The following GNAL variants were observed in gnomAD, a reference collection of about 807,000 sequenced individuals.
The protein encoded by GNAL is guanine nucleotide-binding protein G(olf) subunit alpha.
GNAL carries 18 observed loss-of-function variants against 55.1 expected under a neutral mutation model. That is an observed-to-expected ratio of 0.33 (90% CI 0.23 to 0.48). The LOEUF is 0.48. Among genes scored for constraint, GNAL ranks in the 20% least tolerant of loss-of-function variants. The probability of loss-of-function intolerance (pLI) is 0.99; values close to 1 mark genes in which losing one functional copy is unlikely to be tolerated. For missense variants in GNAL, 412 were observed against 614.1 expected (o/e 0.67, Z 3.48); for synonymous variants, 253 against 237.0 (o/e 1.07, Z -0.62).
intron 1 of GNAL, among the ~76,000 whole-genome samples, chr18:11,715,077 C>G (rs532277212): frequency 5.9e-5 from 9 of 151,314 alleles, no homozygotes; most frequent in African/African-American, 2.2e-4. Flanking sequence ...CCCAGCAGGT[C>G]AAGGCTGCAG....
intron 9 of GNAL, among the ~76,000 whole-genome samples, chr18:11,870,342 G>A (rs534025059): frequency 2.6e-5 from 4 of 152,204 alleles, no homozygotes; most frequent in African/African-American, 4.8e-5. Context: ...CCAATATGGC[G>A]AAACCCCGTC....
chr18:11,744,220 A>C, intron 1 of GNAL, among the ~76,000 whole-genome samples: 1 of 152,202 alleles, frequency 6.6e-6, no homozygotes, highest in African/African-American at 2.4e-5. Context: ...TGAGTTAAAG[A>C]AGAATGTGTT....
intron 1 of GNAL, among the ~76,000 whole-genome samples, chr18:11,722,404 T>A (rs77251191): frequency 0.021 from 3,188 of 152,302 alleles, 61 homozygotes; most frequent in Middle Eastern, 0.048. Flanking sequence ...CTGCTAACAG[T>A]GATATGTATT....
chr18:11,846,220 T>C (rs1227631369), intron 5 of GNAL, among the ~76,000 whole-genome samples: 1 of 151,948 alleles, frequency 6.6e-6, no homozygotes, highest in Non-Finnish European at 1.5e-5. Context: ...GCTAAATGAG[T>C]GAATGCCAAC....
At chr18:11,846,405 T>A (rs533150656) in intron 5 of GNAL, among the ~76,000 whole-genome samples, 28 of 148,008 alleles carry the variant, frequency 1.9e-4, no homozygotes, top group Admixed American at 5.4e-4. Flanking sequence ...CATCATTTTT[T>A]TATATATAAA....
At chr18:11,795,232 T>C (rs2034346936) in intron 4 of GNAL, among the ~76,000 whole-genome samples, 1 of 151,894 alleles carries the variant, frequency 6.6e-6, no homozygotes. Flanking sequence ...AAACCCCACC[T>C]CTACAAAAAT....
At chr18:11,693,955 C>A (rs2031332597) in intron 1 of GNAL, among the ~76,000 whole-genome samples, 1 of 150,260 alleles carries the variant, frequency 6.7e-6, no homozygotes, top group Non-Finnish European at 1.5e-5. Flanking sequence ...CCAGCTCAAG[C>A]AATCTTCCTG....
chr18:11,879,852 C>T (rs949277114), intron 11 of GNAL, among the ~76,000 whole-genome samples: 1 of 152,200 alleles, frequency 6.6e-6, no homozygotes, highest in Non-Finnish European at 1.5e-5. Context: ...AACGTTCCCC[C>T]GATAACCAGG....
intron 5 of GNAL, among the ~76,000 whole-genome samples, chr18:11,830,144 C>G (rs1001492790): frequency 6.6e-6 from 1 of 152,152 alleles, no homozygotes; most frequent in African/African-American, 2.4e-5. Flanking sequence ...CGTACTCACT[C>G]GCCTTTCCCC....
At chr18:11,703,144 C>T (rs79344468) in intron 1 of GNAL, among the ~76,000 whole-genome samples, 2,191 of 152,206 alleles carry the variant, frequency 0.014, 21 homozygotes, top group Non-Finnish European at 0.021. Context: ...AACAAAAAAA[C>T]CATATTTGTA....
chr18:11,808,978 C>T (rs1411213286), intron 4 of GNAL, among the ~76,000 whole-genome samples: 1 of 152,198 alleles, frequency 6.6e-6, no homozygotes, highest in Non-Finnish European at 1.5e-5. Flanking sequence ...AAGGAGGGAC[C>T]AGGCATGGTG....
rs116807598 is a variant in GNAL at position 11,775,335 on chromosome 18, A to G, written c.624+21390A>G. On this transcript the variant is annotated intron_variant, in intron 4 of 11. Transcript: ENST00000334049. The stretch of plus-strand genomic sequence containing the variant: ...ACACACTGGGAGGAAATATTTTTCA[A>G]CCATTGGTTTAACCATTGAATAGTT... Among the ~76,000 whole-genome samples the G allele has an allele frequency of 5.1e-3, 771 of 152,358 alleles. 6 individuals are homozygous for G. Among genetic ancestry groups the G allele is most frequent in the African/African-American group, 0.017 (722 of 41,592 alleles).
intron 1 of GNAL, among the ~76,000 whole-genome samples, chr18:11,719,783 A>C (rs555788933): frequency 6.6e-6 from 1 of 150,638 alleles, no homozygotes; most frequent in East Asian, 1.9e-4. Flanking sequence ...AGCCATGGAC[A>C]GTGCAGAGCT....
chr18:11,788,921 A>ATATATATATATATG (rs2034149122), intron 4 of GNAL, among the ~76,000 whole-genome samples: 1 of 126,806 alleles, frequency 7.9e-6, no homozygotes, highest in African/African-American at 3.0e-5. Flanking sequence ...AAAAATATAT[A>ATATATATATATATG]TATATATATA....
chr18:11,750,800 C>CTA (rs2032800350), intron 1 of GNAL, among the ~76,000 whole-genome samples: 1 of 152,056 alleles, frequency 6.6e-6, no homozygotes, highest in South Asian at 2.1e-4. Flanking sequence ...GTGGAACTAA[C>CTA]AAGGGGCGTG....
chr18:11,783,404 A>T (rs899239951), intron 4 of GNAL, among the ~76,000 whole-genome samples: 1 of 152,260 alleles, frequency 6.6e-6, no homozygotes, highest in African/African-American at 2.4e-5. Flanking sequence ...CAAAGTTTCA[A>T]CATCATAAAT....
intron 5 of GNAL, among the ~76,000 whole-genome samples, chr18:11,833,144 A>T (rs2035424398): frequency 6.6e-6 from 1 of 151,094 alleles, no homozygotes; most frequent in Admixed American, 6.6e-5. Context: ...AGATTCTCCC[A>T]CCTCAGCCTC....
rs998407179 is a variant in GNAL at position 11,752,761 on chromosome 18, T to TG, written c.377-87dup. ...ACCCGCGTGTAGGAAATCCCCGTGC[T>TG]GGGGGAGGAGGATTGCTCAGACCCG... On this transcript the variant is annotated intron_variant, in intron 1 of 11. Coordinates refer to ENST00000334049, the MANE Select transcript of GNAL (RefSeq NM_182978.4). The surrounding 1 kb of genome is among the most constrained non-coding windows in gnomAD (Gnocchi z 4.5). 14 of 1,148,000 alleles carry TG rather than the reference T, an allele frequency of 1.2e-5. No individual in the cohort carries two copies. In the African/African-American group the frequency reaches 1.9e-4, roughly 15 times the overall value. The allele number at this position is 1,148,000 out of a possible 1,614,324, so 71.1% of individuals were successfully genotyped here.
At chr18:11,701,945 A>T (rs1354202274) in intron 1 of GNAL, 1 of 152,146 alleles carries the variant, frequency 6.6e-6, no homozygotes, top group African/African-American at 2.4e-5. Context: ...GAAAAAAAAA[A>T]TGAAACGTTT....
Sources: gnomAD v4.1 joint callset for allele counts (sites outside exome capture counted in the v4.1 genomes callset) on GRCh38, gnomAD v4.1.1 for gene constraint, Gnocchi (gnomAD v3.1) non-coding constraint, MANE v1.5 for transcripts, NCBI Gene and HGNC (gene_info 2026-07-23, HGNC 2026-07-21) for gene names.